MYH15: variants seen among roughly 807,000 people sequenced by gnomAD.
The protein encoded by MYH15 is myosin heavy chain 15.
Under a neutral mutation model 240.5 loss-of-function variants are expected in MYH15, and 227 were observed. The ratio of observed to expected loss-of-function variants is 0.94; its 90% CI spans 0.85 to 1.05. MYH15 has a LOEUF of 1.05. Among genes scored for constraint, MYH15 ranks in the 50% least tolerant of loss-of-function variants. The pLI is 0.00. For missense variants in MYH15, 2,217 were observed against 2,247.5 expected (o/e 0.99, Z 0.27); for synonymous variants, 785 against 796.7 (o/e 0.99, Z 0.25).
chr3:108,404,709 G>A (rs2082533237), intron 33 of MYH15, among the ~76,000 whole-genome samples: 1 of 152,174 alleles, frequency 6.6e-6, no homozygotes. Flanking sequence ...CTTTAACAAG[G>A]ATTCAATAAG....
chr3:108,409,822 G>A (rs2082574452), intron 31 of MYH15, among the ~76,000 whole-genome samples: 2 of 152,082 alleles, frequency 1.3e-5, no homozygotes, highest in Admixed American at 6.5e-5. Flanking sequence ...CATGTATAGG[G>A]ATATATAATG....
At chr3:108,548,824 A>G in the MYH15 span, among the ~76,000 whole-genome samples, 1 of 152,078 alleles carries the variant, frequency 6.6e-6, no homozygotes, top group Non-Finnish European at 1.5e-5. Context: ...TTTTCATTTA[A>G]CTGACAGTGC....
chr3:108,477,802 A>G (rs750874507), intron 11 of MYH15, among the ~76,000 whole-genome samples: 5 of 152,198 alleles, frequency 3.3e-5, no homozygotes, highest in Non-Finnish European at 4.4e-5. Context: ...CAAAGCTTCC[A>G]TTTCCTCAAG....
intron 1 of MYH15, among the ~76,000 whole-genome samples, chr3:108,524,550 A>C (rs899571213): frequency 6.6e-6 from 1 of 151,974 alleles, no homozygotes; most frequent in Non-Finnish European, 1.5e-5. Context: ...TTACAGTTAA[A>C]TATGCCTATC....
chr3:108,415,242 G>C (rs1490742407), intron 29 of MYH15, among the ~76,000 whole-genome samples: 1 of 152,066 alleles, frequency 6.6e-6, no homozygotes, highest in Non-Finnish European at 1.5e-5. Context: ...GGGTCCTCAA[G>C]TGTCCTTTAT....
the MYH15 span, chr3:108,550,528 T>G: frequency 5.3e-5 from 8 of 151,524 alleles, no homozygotes; most frequent in Non-Finnish European, 1.0e-4. Context: ...ATCATTTAAA[T>G]GTAATAGTTT....
At position 108,408,366 on chromosome 3, in the gene MYH15, T is replaced by A. The variant is rs1343431349; in HGVS notation, c.4534A>T (p.Thr1512Ser). 1 of 1,613,436 alleles carries A rather than the reference T, an allele frequency of 6.2e-7. No homozygotes were observed. The highest frequency in any genetic ancestry group is 2.2e-5 in the East Asian group (1 of 44,858). Residue 1512 changes from threonine to serine, a missense_variant, in exon 32 of 41, where the codon ACC becomes TCC. Coordinates refer to ENST00000693548, the MANE Select transcript of MYH15 (RefSeq NM_014981.3). The stretch of plus-strand genomic sequence containing the variant: ...TTTTCCATTTCAGTTAAGTTCTTGG[T>A]CCCTTCTCTAACCTGGTTTGTCAGA... The part of the protein sequence containing the change: ...SNLTNQVREG[T>S]KNLTEMEKVK...
In MYH15 at chr3:108,428,481, G is replaced by A. The variant is rs1264196442; in HGVS notation, c.3702+11C>T. Reference sequence around the variant, plus strand: ...TTCAGAAGACCACGAGGATGGCATGGGAGTATCTACCTTAGCTCTTGTCAT... The same window carrying A: ...TTCAGAAGACCACGAGGATGGCATGAGAGTATCTACCTTAGCTCTTGTCAT... On this transcript the variant is annotated intron_variant, in intron 27 of 40. Coordinates refer to ENST00000693548, the MANE Select transcript of MYH15 (RefSeq NM_014981.3). The A allele has an allele frequency of 1.3e-6, 2 of 1,596,204 alleles. No homozygotes were observed. The highest frequency in any genetic ancestry group is 1.3e-5 in the African/African-American group (1 of 74,448).
the MYH15 span, among the ~76,000 whole-genome samples, chr3:108,537,958 G>A: frequency 6.6e-6 from 1 of 152,124 alleles, no homozygotes; most frequent in Non-Finnish European, 1.5e-5. Context: ...TATTCATTCT[G>A]TCCCTTTCCC....
intron 14 of MYH15, among the ~76,000 whole-genome samples, chr3:108,468,562 G>C (rs2083142292): frequency 6.6e-6 from 1 of 152,146 alleles, no homozygotes; most frequent in African/African-American, 2.4e-5. Context: ...CCTGGATCCT[G>C]TTAAAATTGT....
intron 35 of MYH15, among the ~76,000 whole-genome samples, chr3:108,395,638 T>TC (rs1553762744): frequency 2.0e-5 from 3 of 148,938 alleles, no homozygotes; most frequent in Admixed American, 6.7e-5. Flanking sequence ...TTTCTTTCTT[T>TC]TTTTTTTTTT....
intron 11 of MYH15, among the ~76,000 whole-genome samples, chr3:108,481,484 A>G (rs972112985): frequency 1.3e-5 from 2 of 152,184 alleles, no homozygotes; most frequent in Non-Finnish European, 2.9e-5. Flanking sequence ...GAAGAAAAAT[A>G]TTTAGATTAG....
chr3:108,440,987 G>T lies in MYH15; in HGVS notation c.2898+31C>A, dbSNP rs570774292. On this transcript the variant is annotated intron_variant, in intron 23 of 40. Transcript: ENST00000693548. Reference sequence around the variant, plus strand: ...TTGAGAGTGGAATTCTGGCTGCTAGGCCTTCTTAACTAACATTATGGAAAA... The same window carrying T: ...TTGAGAGTGGAATTCTGGCTGCTAGTCCTTCTTAACTAACATTATGGAAAA... 360 of 1,611,268 alleles carry T rather than the reference G, an allele frequency of 2.2e-4. 4 individuals are homozygous for T. The South Asian group carries it at 3.6e-3, about 16-fold the overall frequency.
intron 11 of MYH15, among the ~76,000 whole-genome samples, chr3:108,480,531 T>C (rs1175540325): frequency 6.6e-6 from 1 of 152,196 alleles, no homozygotes; most frequent in Non-Finnish European, 1.5e-5. Context: ...GGATGCTTAA[T>C]TTTGGAAATG....
At chr3:108,533,719 T>A (rs921989148), upstream of MYH15, among the ~76,000 whole-genome samples, 1 of 152,170 alleles carries the variant, frequency 6.6e-6, no homozygotes, top group African/African-American at 2.4e-5. Context: ...GAAACCAGAA[T>A]ACATGTCATA....
chr3:108,396,204 T>C (rs2082459584), intron 35 of MYH15, among the ~76,000 whole-genome samples: 1 of 152,222 alleles, frequency 6.6e-6, no homozygotes, highest in Non-Finnish European at 1.5e-5. Context: ...TGCATCATAT[T>C]GGATCCCACT....
intron 29 of MYH15, among the ~76,000 whole-genome samples, chr3:108,415,639 A>G (rs2082626967): frequency 6.6e-6 from 1 of 152,250 alleles, no homozygotes; most frequent in Non-Finnish European, 1.5e-5. Context: ...CAAACACAGC[A>G]GATAAACACG....
chr3:108,484,690 G>C (rs941916076), intron 11 of MYH15, among the ~76,000 whole-genome samples: 1 of 152,084 alleles, frequency 6.6e-6, no homozygotes, highest in Admixed American at 6.5e-5. Flanking sequence ...ATATTGGCCA[G>C]GCTGGTCTTG....
chr3:108,437,570 C>T lies in MYH15; in HGVS notation c.3205G>A (p.Ala1069Thr), dbSNP rs771115343. ...GTGGCTTACTTCCTCAGCTCTTCTG[C>T]CAGGTGTCGCTGGCTGCTTTCCAGG... is the stretch of plus-strand genomic sequence containing the variant. The part of the protein sequence containing the change: ...ENLESSQRHL[A>T]EELRKKELEL... Residue 1069 changes from alanine to threonine, a missense_variant, in exon 25 of 41, where the codon GCA becomes ACA. Ala to Thr is a moderately conservative substitution (Grantham distance 58). Transcript: ENST00000693548. 2.5e-6 allele frequency: 4 copies of T among 1,613,388 alleles called. No individual in the cohort carries two copies. In the Admixed American group the frequency reaches 6.7e-5, roughly 27 times the overall value.
Sources: allele counts gnomAD v4.1 joint callset (sites outside exome capture counted in the v4.1 genomes callset), GRCh38; gene constraint gnomAD v4.1.1; transcripts MANE v1.5; gene names NCBI Gene and HGNC (gene_info 2026-07-23, HGNC 2026-07-21).